MAP7D3: variants seen among roughly 807,000 people sequenced by gnomAD.
MAP7D3 encodes MAP7 domain-containing protein 3.
MAP7D3 carries 45 observed loss-of-function variants against 62.2 expected under a neutral mutation model. The observed-to-expected ratio is 0.72, with a 90% CI of 0.57 to 0.93. MAP7D3 has a LOEUF of 0.93. MAP7D3 is among the 40% of genes least tolerant of loss of function. The probability of loss-of-function intolerance (pLI) is 0.00; values close to 1 mark genes in which losing one functional copy is unlikely to be tolerated. For missense variants in MAP7D3, 711 were observed against 683.1 expected, an observed-to-expected ratio of 1.04 and a Z score of -0.45; for synonymous variants, 288 against 248.8, an observed-to-expected ratio of 1.16 and a Z score of -1.48.
At chrX:136,255,548 T>G (rs942292425), upstream of MAP7D3, among the ~76,000 whole-genome samples, 7 of 111,570 alleles carry the variant, frequency 6.3e-5, no homozygotes, top group African/African-American at 1.6e-4. Context: ...TCATTGACTC[T>G]AAACTAATGA....
chrX:136,233,977 G>C (rs918118528), intron 7 of MAP7D3, among the ~76,000 whole-genome samples: 3 of 111,211 alleles, frequency 2.7e-5, no homozygotes, highest in Admixed American at 9.7e-5. Flanking sequence ...TCTCACCATA[G>C]ATTGGTGGGA....
intron 14 of MAP7D3, among the ~76,000 whole-genome samples, chrX:136,223,526 GA>G (rs1216837251): frequency 9.0e-6 from 1 of 110,502 alleles, no homozygotes; most frequent in African/African-American, 3.3e-5. Flanking sequence ...TGGCATGGAA[GA>G]AGATACCTGC....
intron 4 of MAP7D3, among the ~76,000 whole-genome samples, chrX:136,243,729 A>C (rs768359196): frequency 9.0e-6 from 1 of 110,755 alleles, no homozygotes; most frequent in East Asian, 2.8e-4. Flanking sequence ...TCCCTGGAAT[A>C]AAGAGAAAGA....
intron 15 of MAP7D3, 43 bp downstream of exon 15, chrX:136,222,350 T>C: frequency 9.7e-7 from 1 of 1,029,659 alleles, no homozygotes; most frequent in Non-Finnish European, 1.4e-6. Context: ...GAGGAGCCCC[T>C]GGATATGAAC....
Position 136,242,320 on chromosome X carries a change from T to G in MAP7D3, c.418-1043A>C, listed in dbSNP as rs145978223. 5.2e-3 allele frequency among the ~76,000 whole-genome samples: 583 copies of G among 111,963 alleles called. 4 individuals carry two copies. The highest frequency in any genetic ancestry group is 0.018 in the African/African-American group (559 of 30,814). ...CTATTTCTGATTCTATTCCACTGTT[T>G]CCAAATGCATTACCTACTGTGCTCT... On this transcript the variant is annotated intron_variant, in intron 4 of 18. Coordinates refer to ENST00000316077, the MANE Select transcript of MAP7D3 (RefSeq NM_024597.4).
Position 136,228,623 on chromosome X carries a change from C to T in MAP7D3, c.1886G>A (p.Arg629Lys). 2 of 1,205,503 alleles carry T rather than the reference C, an allele frequency of 1.7e-6. No homozygotes were observed. The highest frequency in any genetic ancestry group is 1.1e-6 in the Non-Finnish European group (1 of 892,823). The change falls in exon 11 of 19, where the codon AGG (arginine) becomes AAG (lysine). Residue 629 changes from arginine to lysine, a missense_variant and splice_region_variant. Coordinates refer to ENST00000316077, the MANE Select transcript of MAP7D3 (RefSeq NM_024597.4). ...EERQREEMQQ[R>K]VIKKSKDMAK... Reference sequence around the variant, plus strand: ...ATAGGAAGGAAGACTTTGTGCTGACCTTTGCTGCATTTCTTCCCGTTGTCT... The same window carrying T: ...ATAGGAAGGAAGACTTTGTGCTGACTTTTGCTGCATTTCTTCCCGTTGTCT...
At chrX:136,225,309 T>C (rs372919477) in intron 13 of MAP7D3, among the ~76,000 whole-genome samples, 5 of 111,886 alleles carry the variant, frequency 4.5e-5, no homozygotes, top group South Asian at 3.8e-4. Context: ...AGAGAGAAGA[T>C]AGGAGGTGGA....
chrX:136,219,298 G>A (rs2074095762), intron 18 of MAP7D3, 100 bp downstream of exon 18: 2 of 475,688 alleles, frequency 4.2e-6, no homozygotes, highest in Admixed American at 3.8e-5. Flanking sequence ...CTCTTCCAAA[G>A]CTATATGGTG....
At chrX:136,226,941 C>CAACATGGTAA (rs1210208925) in intron 12 of MAP7D3, among the ~76,000 whole-genome samples, 3 of 110,098 alleles carry the variant, frequency 2.7e-5, no homozygotes, top group African/African-American at 9.9e-5. Context: ...CCAGCCTGGC[C>CAACATGGTAA]AACATGGTAA....
At chrX:136,232,889 T>C (rs1235789217) in intron 7 of MAP7D3, among the ~76,000 whole-genome samples, 1 of 112,017 alleles carries the variant, frequency 8.9e-6, no homozygotes, top group East Asian at 2.8e-4. Context: ...GGTGGGAGTA[T>C]AGATTTGTAT....
chrX:136,245,875 A>G (rs1329506979), intron 3 of MAP7D3, among the ~76,000 whole-genome samples, 190 bp downstream of exon 3: 2 of 112,292 alleles, frequency 1.8e-5, no homozygotes, highest in African/African-American at 3.2e-5. Flanking sequence ...TCCTTCAAAA[A>G]TTAAACAATT....
At chrX:136,249,625 T>A (rs1444957495) in intron 1 of MAP7D3, among the ~76,000 whole-genome samples, 1 of 112,227 alleles carries the variant, frequency 8.9e-6, no homozygotes, top group African/African-American at 3.2e-5. Context: ...GACTGTGCTA[T>A]GCATTTATAT....
At chrX:136,229,079 G>GA (rs2074231997) in intron 10 of MAP7D3, 2 of 127,624 alleles carry the variant, frequency 1.6e-5, no homozygotes, top group Admixed American at 9.2e-5. Context: ...GAATATAGAG[G>GA]AAGACAAGCT....
chrX:136,220,703 T>C, intron 16 of MAP7D3, 62 bp downstream of exon 16: 1 of 913,827 alleles, frequency 1.1e-6, no homozygotes, highest in East Asian at 3.1e-5. Flanking sequence ...TTATCTAGCA[T>C]TCTAAGATTG....
downstream of MAP7D3, among the ~76,000 whole-genome samples, chrX:136,216,359 T>TAAAAAAAAAAAAA (rs58245551): frequency 1.2e-4 from 3 of 25,485 alleles, no homozygotes; most frequent in Non-Finnish European, 1.2e-4. Flanking sequence ...ACCCTATCTC[T>TAAAAAAAAAAAAA]AAAAAAAAAA....
rs763799062 is a variant in MAP7D3 at position 136,251,371 on chromosome X, C to G, written c.-13G>C. 3 of 1,070,188 alleles carry G rather than the reference C, an allele frequency of 2.8e-6. No homozygotes were observed. The highest frequency in any genetic ancestry group is 3.6e-6 in the Non-Finnish European group (3 of 825,993). The allele number at this position is 1,070,188 out of a possible 1,213,427, so 88.2% of individuals were successfully genotyped here. Reference sequence around the variant, plus strand: ...CGTCCGCCATCATCGGAGTCGGGACCGGAGGCGGTGGTGGCTCTCCGCATA... The same window carrying G: ...CGTCCGCCATCATCGGAGTCGGGACGGGAGGCGGTGGTGGCTCTCCGCATA... On this transcript the variant is annotated 5_prime_UTR_variant, in exon 1 of 19. Transcript: ENST00000316077.
chrX:136,246,260 C>A lies in MAP7D3; in HGVS notation c.152G>T (p.Arg51Ile). ...NRVATHSSNIRSTFKPVIDGS... is the reference protein window; with the variant it reads ...NRVATHSSNIISTFKPVIDGS... ...AATTATACCTGGTTTAAATGTCGAT[C>A]TTATATTTGAGGAATGGGTTGCAAC... is the stretch of plus-strand genomic sequence containing the variant. The change falls in exon 2 of 19, where the codon AGA becomes ATA. Residue 51 changes from arginine (R) to isoleucine (I), a missense_variant. Arg to Ile is a moderately conservative substitution (Grantham distance 97, BLOSUM62 -3). Coordinates refer to ENST00000316077, the MANE Select transcript of MAP7D3 (RefSeq NM_024597.4). 1 of 1,196,846 alleles carries A rather than the reference C, an allele frequency of 8.4e-7. No individual in the cohort carries two copies. Among genetic ancestry groups the A allele is most frequent in the Non-Finnish European group, 1.1e-6 (1 of 882,549 alleles).
intron 10 of MAP7D3, among the ~76,000 whole-genome samples, 174 bp downstream of exon 10, chrX:136,230,211 C>T (rs761333469): frequency 1.4e-4 from 15 of 109,353 alleles, no homozygotes; most frequent in Non-Finnish European, 2.8e-4. Context: ...CAAGGACAAA[C>T]AAACAGAGAA....
At position 136,228,885 on chromosome X, in the gene MAP7D3, A is replaced by T. The variant is rs1032360160; in HGVS notation, c.1751-127T>A. ...GCGTAGTCCAAAATTTATAAATCAC[A>T]AGCAAACTATAGGTGATTATCTAAC... is the stretch of plus-strand genomic sequence containing the variant. On this transcript the variant is annotated intron_variant, in intron 10 of 18. Coordinates refer to ENST00000316077, the MANE Select transcript of MAP7D3 (RefSeq NM_024597.4). 8.5e-6 allele frequency: 4 copies of T among 468,470 alleles called. No individual in the cohort carries two copies. In the African/African-American group the frequency reaches 1.0e-4, roughly 12 times the overall value. The allele number at this position is 468,470 out of a possible 1,213,427, so 38.6% of individuals were successfully genotyped here.
Sources: allele counts gnomAD v4.1 joint callset (sites outside exome capture counted in the v4.1 genomes callset), GRCh38; gene constraint gnomAD v4.1.1; transcripts MANE v1.5; gene names NCBI Gene and HGNC (gene_info 2026-07-23, HGNC 2026-07-21).